PSMD3: variants seen among roughly 807,000 people sequenced by gnomAD.
The protein encoded by PSMD3 is 26S proteasome non-ATPase regulatory subunit 3.
Under a neutral mutation model 62.8 loss-of-function variants are expected in PSMD3, and 5 were observed. The observed-to-expected ratio is 0.08, with a 90% CI of 0.04 to 0.17. PSMD3 has a LOEUF of 0.17. Ranked by LOEUF, PSMD3 falls within the 10% of genes least tolerant of loss-of-function variation. The pLI, the probability that PSMD3 is intolerant of heterozygous loss-of-function variation, is 1.00. For synonymous variants in PSMD3, 265 were observed against 283.9 expected, an observed-to-expected ratio of 0.93 and a Z score of 0.67; for missense variants, 524 against 713.6, an observed-to-expected ratio of 0.73 and a Z score of 3.03.
chr17:39,986,575 C>T lies in PSMD3; in HGVS notation c.412C>T (p.Pro138Ser), dbSNP rs758424249. The change falls in exon 3 of 12, where the codon CCC becomes TCC. Residue 138 changes from proline (P) to serine (S), a missense_variant and splice_region_variant. Physicochemically the swap from Pro to Ser is moderately conservative, Grantham distance 74 (BLOSUM62 -1). This residue lies in a region of PSMD3 where 396 missense variants were observed against 475.8 expected (regional missense o/e 0.83). Coordinates refer to ENST00000264639, the MANE Select transcript of PSMD3 (RefSeq NM_002809.4). Reference protein sequence around the residue: ...RDFLLPFLEEPMDTEADLQFR... With the variant: ...RDFLLPFLEESMDTEADLQFR... ...CATGGTAACTTCTGTCCTCTCCTAG[C>T]CCATGGACACAGAGGCTGATTTACA... is the stretch of plus-strand genomic sequence containing the variant. 1.9e-6 allele frequency: 3 copies of T among 1,614,058 alleles called. No individual in the cohort carries two copies. The highest frequency in any genetic ancestry group is 2.5e-6 in the Non-Finnish European group (3 of 1,180,016).
intron 6 of PSMD3, chr17:39,994,635 C>T (rs1980737578): frequency 1.7e-5 from 6 of 349,662 alleles, no homozygotes; most frequent in South Asian, 1.5e-4. Flanking sequence ...TGCTGAGCCA[C>T]AGCACCCGCC....
At chr17:39,989,641 G>A in intron 4 of PSMD3, 98 bp from the exon 5 acceptor site, 1 of 1,204,552 alleles carries the variant, frequency 8.3e-7, no homozygotes, top group Non-Finnish European at 1.2e-6. Flanking sequence ...AAAGCAATTT[G>A]TATAACTTTT....
At position 39,997,621 on chromosome 17, in the gene PSMD3, C is replaced by A; in HGVS notation, c.*40C>A. 6.4e-7 allele frequency: 1 copy of A among 1,564,828 alleles called. No homozygotes were observed. The highest frequency in any genetic ancestry group is 8.8e-7 in the Non-Finnish European group (1 of 1,139,250). On this transcript the variant is annotated 3_prime_UTR_variant, in exon 12 of 12. Coordinates refer to ENST00000264639, the MANE Select transcript of PSMD3 (RefSeq NM_002809.4). ...GAGGGGTAGGGGGAATGGGGACAGG[C>A]TCTTTCCCCCTTGGGGGTCCCCTGC...
At chr17:39,986,036 A>T (rs1980517982) in intron 2 of PSMD3, among the ~76,000 whole-genome samples, 1 of 152,132 alleles carries the variant, frequency 6.6e-6, no homozygotes, top group Non-Finnish European at 1.5e-5. Context: ...GTGTAAAGAA[A>T]TTTTTTGTTC....
At chr17:39,989,656 G>A in intron 4 of PSMD3, 83 bp from the exon 5 acceptor site, 1 of 1,320,980 alleles carries the variant, frequency 7.6e-7, no homozygotes. Flanking sequence ...ACTTTTTTAA[G>A]GAATTGAGAA....
At chr17:39,988,568 G>T (rs1980580219) in intron 3 of PSMD3, 115 bp from the exon 4 acceptor site, 9 of 1,234,410 alleles carry the variant, frequency 7.3e-6, no homozygotes, top group Non-Finnish European at 1.0e-5. Context: ...GTGAGCCTAA[G>T]TTTCCAGTTC....
Position 39,990,122 on chromosome 17 carries a change from C to T in PSMD3, c.906C>T (p.Tyr302=). The part of the protein sequence containing the change: ...TGRIKAIQLE[Y]SEARRTMTNA... ...GAATCAAAGCCATCCAGCTGGAGTA[C>T]TCAGAGGCCCGGAGAACGATGACCA... Residue 302 remains tyrosine (Y), a synonymous_variant, in exon 6 of 12, where the codon TAC becomes TAT. Transcript: ENST00000264639. 1 of 1,614,136 alleles carries T rather than the reference C, an allele frequency of 6.2e-7. No individual in the cohort carries two copies. The highest frequency in any genetic ancestry group is 8.5e-7 in the Non-Finnish European group (1 of 1,180,014).
At chr17:39,987,117 G>A (rs1198237796) in intron 3 of PSMD3, among the ~76,000 whole-genome samples, 3 of 152,202 alleles carry the variant, frequency 2.0e-5, no homozygotes, top group East Asian at 1.9e-4. Context: ...AATTTGTTTA[G>A]AAATACTTAG....
At chr17:39,987,434 C>T (rs1379709327) in intron 3 of PSMD3, among the ~76,000 whole-genome samples, 4 of 152,154 alleles carry the variant, frequency 2.6e-5, no homozygotes, top group Admixed American at 2.0e-4. Flanking sequence ...GTTCACTTGA[C>T]CTCCCCGGCT....
In PSMD3 at chr17:39,981,008, A is replaced by G; in HGVS notation, c.38A>G (p.Asp13Gly). The change falls in exon 1 of 12, where the codon GAC (aspartate) becomes GGC (glycine). Residue 13 changes from aspartate to glycine, a missense_variant. Physicochemically the swap from Asp to Gly is moderately conservative, Grantham distance 94. Coordinates refer to ENST00000264639, the MANE Select transcript of PSMD3 (RefSeq NM_002809.4). ...QEGSARRRGA[D>G]KAKPPPGGGE... ...GGCTCGGCGCGGCGCCGCGGCGCGG[A>G]CAAGGCGAAACCGCCGCCCGGCGGA... The G allele has an allele frequency of 6.5e-7, 1 of 1,548,676 alleles. No homozygotes were observed. Among genetic ancestry groups the G allele is most frequent in the Non-Finnish European group, 8.7e-7 (1 of 1,146,872 alleles).
chr17:39,989,610 A>T, intron 4 of PSMD3, 129 bp from the exon 5 acceptor site: 1 of 877,180 alleles, frequency 1.1e-6, no homozygotes, highest in Non-Finnish European at 1.7e-6. Context: ...GATAGTTAAC[A>T]GTATTCAGCA....
At position 39,995,593 on chromosome 17, in the gene PSMD3, G is replaced by A. The variant is rs1016489918; in HGVS notation, c.1320+66G>A. 4.0e-6 allele frequency: 6 copies of A among 1,488,248 alleles called. No homozygotes were observed. The highest frequency in any genetic ancestry group is 4.7e-6 in the Non-Finnish European group (5 of 1,067,632). 92.2% of individuals were successfully genotyped at this position (1,488,248 alleles called of 1,614,324 possible). ...TTCCTGCCAATCTCAGGAGGCAGGA[G>A]TGGGAGGAGTTTGGCCAAGGAGGGG... On this transcript the variant is annotated intron_variant, in intron 9 of 11. Coordinates refer to ENST00000264639, the MANE Select transcript of PSMD3 (RefSeq NM_002809.4). This position sits in a 1 kb window ranked among gnomAD's most constrained non-coding sequence, Gnocchi z 4.1.
intron 6 of PSMD3, 41 bp from the exon 7 acceptor site, chr17:39,994,912 TG>T (rs778620071): frequency 6.4e-7 from 1 of 1,563,074 alleles, no homozygotes; most frequent in Non-Finnish European, 8.8e-7. Context: ...CTTCCGCCCA[TG>T]GGGCTCCCTG....
At chr17:39,986,781 C>A in intron 3 of PSMD3, 69 bp downstream of exon 3, 2 of 1,549,388 alleles carry the variant, frequency 1.3e-6, no homozygotes, top group Non-Finnish European at 1.8e-6. Flanking sequence ...GGGAGATGGT[C>A]CCTGGTGAAG....
chr17:39,997,610 A>C lies in PSMD3; in HGVS notation c.*29A>C. The stretch of plus-strand genomic sequence containing the variant: ...GGGGGGCTGGGGAGGGGTAGGGGGA[A>C]TGGGGACAGGCTCTTTCCCCCTTGG... On this transcript the variant is annotated 3_prime_UTR_variant, in exon 12 of 12. Coordinates refer to ENST00000264639, the MANE Select transcript of PSMD3 (RefSeq NM_002809.4). 3.6e-6 allele frequency: 5 copies of C among 1,392,218 alleles called. No individual in the cohort carries two copies. Among genetic ancestry groups the C allele is most frequent in the African/African-American group, 1.4e-5 (1 of 69,662 alleles). The allele number at this position is 1,392,218 out of a possible 1,614,324, so 86.2% of individuals were successfully genotyped here. A position where few individuals can be genotyped will look rare whatever the true frequency, so the allele number is the denominator to read the frequency against.
At chr17:39,981,231 G>A (rs1325495152) in intron 1 of PSMD3, 41 bp downstream of exon 1, 2 of 1,547,470 alleles carry the variant, frequency 1.3e-6, no homozygotes, top group African/African-American at 1.4e-5. Flanking sequence ...GATCGCGGGT[G>A]ACAGCGACCC....
chr17:39,997,843 A>G lies in PSMD3; in HGVS notation c.*262A>G. ...GCCAGCAGTGTGGGAGCAGGAGGGG[A>G]AGGATAGTTCTGTGTACTCCTTTAG... On this transcript the variant is annotated 3_prime_UTR_variant, in exon 12 of 12. Coordinates refer to ENST00000264639, the MANE Select transcript of PSMD3 (RefSeq NM_002809.4). 1 of 555,182 alleles carries G rather than the reference A, an allele frequency of 1.8e-6. No homozygotes were observed. Among genetic ancestry groups the G allele is most frequent in the Non-Finnish European group, 3.3e-6 (1 of 307,670 alleles). The allele number at this position is 555,182 out of a possible 1,614,324, so 34.4% of individuals were successfully genotyped here. A position where few individuals can be genotyped will look rare whatever the true frequency, so the allele number is the denominator to read the frequency against.
At position 39,996,065 on chromosome 17, in the gene PSMD3, G is replaced by A; in HGVS notation, c.1321-118G>A. On this transcript the variant is annotated intron_variant, in intron 9 of 11. Transcript: ENST00000264639. This position sits in a 1 kb window ranked among gnomAD's most constrained non-coding sequence, Gnocchi z 5.1. ...ACCCGGGAGGTAAAGGTTGCAGTGA[G>A]CTGAGATCGCACCACCGCACTCTCC... 1 of 1,275,926 alleles carries A rather than the reference G, an allele frequency of 7.8e-7. No homozygotes were observed. Among genetic ancestry groups the A allele is most frequent in the Non-Finnish European group, 1.1e-6 (1 of 895,562 alleles). 79.0% of individuals were successfully genotyped at this position (1,275,926 alleles called of 1,614,324 possible). A position where few individuals can be genotyped will look rare whatever the true frequency, so the allele number is the denominator to read the frequency against.
intron 2 of PSMD3, 31 bp downstream of exon 2, chr17:39,984,515 AG>A (rs774913342): frequency 1.3e-6 from 2 of 1,552,416 alleles, no homozygotes; most frequent in East Asian, 2.3e-5. Flanking sequence ...TAAAGGGTGC[AG>A]GCCTGGCCTC....
Sources: gnomAD v4.1 joint callset for allele counts (sites outside exome capture counted in the v4.1 genomes callset) on GRCh38, gnomAD v4.1.1 for gene constraint, gnomAD v4.1.1 regional missense constraint, Gnocchi (gnomAD v3.1) non-coding constraint, MANE v1.5 for transcripts, NCBI Gene and HGNC (gene_info 2026-07-23, HGNC 2026-07-21) for gene names.